ZNG1C: variants seen among roughly 807,000 people sequenced by gnomAD.
ZNG1C encodes the protein Zn regulated GTPase metalloprotein activator 1C, also known as zinc-regulated GTPase metalloprotein activator 1C.
At chr9:68,266,696 G>C in the ZNG1C span, among the ~76,000 whole-genome samples, 1 of 138,294 alleles carries the variant, frequency 7.2e-6, no homozygotes, top group African/African-American at 3.0e-5. Context: ...GCCAATCCCT[G>C]AGTTCTTTCT....
the ZNG1C span, chr9:68,253,466 CTTCATTGA>C: frequency 7.2e-6 from 1 of 138,968 alleles, no homozygotes; most frequent in Non-Finnish European, 1.6e-5. Flanking sequence ...TTCTTATACA[CTTCATTGA>C]TTCAAAATAT....
the ZNG1C span, among the ~76,000 whole-genome samples, chr9:68,264,918 A>AAGT: frequency 1.1e-5 from 1 of 92,950 alleles, no homozygotes; most frequent in African/African-American, 4.2e-5. Flanking sequence ...ACCCAGGCTG[A>AAGT]AGTGCAGGCT....
the ZNG1C span, among the ~76,000 whole-genome samples, chr9:68,281,521 A>G: frequency 2.8e-5 from 3 of 107,080 alleles, no homozygotes; most frequent in Admixed American, 3.0e-4. Flanking sequence ...CCTCTTAACA[A>G]TTTTTTAAGT....
the ZNG1C span, among the ~76,000 whole-genome samples, chr9:68,288,447 GTTTTGTTTTTGT>G: frequency 1.1e-4 from 16 of 152,352 alleles, no homozygotes; most frequent in Non-Finnish European, 2.2e-4. Flanking sequence ...CAATGTTTGG[GTTTTGTTTTTGT>G]TTTTGTTTTT....
the ZNG1C span, chr9:68,249,089 T>G: frequency 1.7e-6 from 1 of 583,038 alleles, no homozygotes; most frequent in Non-Finnish European, 3.1e-6. Context: ...AGAGTATTTC[T>G]TGGTGCTTTT....
chr9:68,269,549 A>AGTTTTT, the ZNG1C span: 1 of 79,782 alleles, frequency 1.3e-5, no homozygotes, highest in Non-Finnish European at 1.5e-5. Flanking sequence ...TATTAAGCTC[A>AGTTTTT]TTTTTTTTTT....
the ZNG1C span, among the ~76,000 whole-genome samples, chr9:68,256,715 G>T: frequency 7.5e-6 from 1 of 134,046 alleles, no homozygotes; most frequent in East Asian, 2.0e-4. Flanking sequence ...ACGAGAGATG[G>T]AAATGGAATG....
the ZNG1C span, among the ~76,000 whole-genome samples, chr9:68,257,157 C>T: frequency 1.4e-5 from 2 of 143,062 alleles, no homozygotes; most frequent in African/African-American, 5.3e-5. Context: ...CCTGCCTCAG[C>T]CTCCCGAGTA....
the ZNG1C span, among the ~76,000 whole-genome samples, chr9:68,287,303 G>T: frequency 3.9e-5 from 6 of 152,078 alleles, no homozygotes; most frequent in Admixed American, 3.9e-4. Flanking sequence ...ATCACATGTG[G>T]AGCTTTTTTA....
chr9:68,249,222 C>G, the ZNG1C span, among the ~76,000 whole-genome samples: 3 of 151,380 alleles, frequency 2.0e-5, no homozygotes, highest in Admixed American at 6.6e-5. Context: ...ACAGTTGTCC[C>G]TTGGCATCCA....
the ZNG1C span, chr9:68,299,951 ATTT>A: frequency 7.0e-5 from 8 of 113,502 alleles, no homozygotes; most frequent in Admixed American, 1.8e-4. Context: ...TTGTTATTAA[ATTT>A]TTTTAACACA....
the ZNG1C span, among the ~76,000 whole-genome samples, chr9:68,289,604 CAT>C: frequency 1.4e-5 from 2 of 145,986 alleles, no homozygotes; most frequent in South Asian, 2.2e-4. Flanking sequence ...ATGAAGAAAA[CAT>C]ATAAAAGTTA....
chr9:68,284,817 AAT>A, the ZNG1C span, among the ~76,000 whole-genome samples: 1 of 149,522 alleles, frequency 6.7e-6, no homozygotes, highest in Non-Finnish European at 1.5e-5. Context: ...GTCTTTTAAA[AAT>A]GTGTATGATA....
the ZNG1C span, among the ~76,000 whole-genome samples, chr9:68,275,785 T>TA: frequency 7.3e-6 from 1 of 137,628 alleles, no homozygotes; most frequent in African/African-American, 2.8e-5. Flanking sequence ...GCAATAAACA[T>TA]ACGTGTGCAT....
the ZNG1C span, chr9:68,247,721 G>T: frequency 1.5e-6 from 1 of 680,640 alleles, no homozygotes; most frequent in African/African-American, 2.6e-5. Flanking sequence ...TGAGGAATGT[G>T]TTTACTGTGT....
the ZNG1C span, among the ~76,000 whole-genome samples, chr9:68,264,821 TTA>T: frequency 0.021 from 518 of 24,908 alleles, 27 homozygotes; most frequent in East Asian, 0.069. Context: ...GGATTGAAGA[TTA>T]TATATATATA....
the ZNG1C span, among the ~76,000 whole-genome samples, chr9:68,276,003 G>A: frequency 6.6e-6 from 1 of 151,942 alleles, no homozygotes; most frequent in African/African-American, 2.4e-5. Flanking sequence ...ATTCTAACTG[G>A]TGTGAGATAG....
At chr9:68,257,280 C>T in the ZNG1C span, among the ~76,000 whole-genome samples, 86 of 126,130 alleles carry the variant, frequency 6.8e-4, no homozygotes, top group African/African-American at 8.0e-4. Flanking sequence ...TCAGGTGATC[C>T]GCCAGCCTCG....
At chr9:68,288,646 T>TA in the ZNG1C span, among the ~76,000 whole-genome samples, 6 of 28,668 alleles carry the variant, frequency 2.1e-4, no homozygotes, top group East Asian at 2.3e-3. Flanking sequence ...CTAATTTTTG[T>TA]ATTTTTTTTT....
Sources: allele counts gnomAD v4.1 joint callset (sites outside exome capture counted in the v4.1 genomes callset), GRCh38; gene constraint gnomAD v4.1.1; transcripts MANE v1.5; gene names NCBI Gene and HGNC (gene_info 2026-07-23, HGNC 2026-07-21).